SMC1A: variants seen among roughly 807,000 people sequenced by gnomAD.
SMC1A encodes structural maintenance of chromosomes 1A.
In SMC1A, 4 loss-of-function variants were observed where a neutral mutation model predicts 94.5. That is an observed-to-expected ratio of 0.04 (90% CI 0.02 to 0.10). SMC1A has a LOEUF of 0.10. SMC1A is among the 10% of genes least tolerant of loss of function. The pLI, the probability that SMC1A is intolerant of heterozygous loss-of-function variation, is 1.00. For synonymous variants in SMC1A, 345 were observed against 347.7 expected, an observed-to-expected ratio of 0.99 and a Z score of 0.09; for missense variants, 304 against 989.0, an observed-to-expected ratio of 0.31 and a Z score of 9.29.
At chrX:53,403,276 C>A (rs903417257) in intron 15 of SMC1A, among the ~76,000 whole-genome samples, 1 of 108,137 alleles carries the variant, frequency 9.2e-6, no homozygotes, top group Non-Finnish European at 1.9e-5. Context: ...TATCATTATA[C>A]CATTTTGCAG....
rs782123095 is a variant in SMC1A, at chrX:53,405,380, C to T, written c.1923G>A (p.Leu641=). 11 of 1,209,995 alleles carry T rather than the reference C, an allele frequency of 9.1e-6. No individual in the cohort carries two copies. The East Asian group carries it at 3.3e-4, about 36-fold the overall frequency. ...CTGACTTCTGGAATAGGGTTCCATC[C>T]AGTGCCACTGTCTACACACAGCAGG... ...GGHQRHKTVA[L]DGTLFQKSGV... The change falls in exon 12 of 25, where the codon CTG becomes CTA. Residue 641 remains leucine (L), a synonymous_variant. Transcript: ENST00000322213.
intron 1 of SMC1A, among the ~76,000 whole-genome samples, chrX:53,420,134 C>T (rs1014737919): frequency 9.8e-5 from 11 of 112,370 alleles, no homozygotes; most frequent in Non-Finnish European, 1.7e-4. Flanking sequence ...CTGAGAACCA[C>T]GGACAAGTTA....
intron 16 of SMC1A, among the ~76,000 whole-genome samples, chrX:53,398,479 T>A (rs1436271221): frequency 1.8e-5 from 2 of 111,696 alleles, no homozygotes; most frequent in African/African-American, 3.3e-5. Flanking sequence ...AGTCACACTG[T>A]GAAGTGACTA....
intron 15 of SMC1A, among the ~76,000 whole-genome samples, chrX:53,402,258 AAAGACTG>A (rs1488492946): frequency 2.7e-5 from 3 of 110,960 alleles, no homozygotes; most frequent in Non-Finnish European, 5.7e-5. Flanking sequence ...CTCCTTCAGC[AAAGACTG>A]TGTTGTGTTC....
chrX:53,408,849 A>T (rs1028590154), intron 9 of SMC1A, among the ~76,000 whole-genome samples: 4 of 108,973 alleles, frequency 3.7e-5, no homozygotes, highest in South Asian at 3.9e-4. Context: ...ATAAAAAAAA[A>T]AAAAAAAAAA....
At chrX:53,418,258 C>T (rs1008909911) in intron 1 of SMC1A, among the ~76,000 whole-genome samples, 3 of 112,403 alleles carry the variant, frequency 2.7e-5, no homozygotes, top group Non-Finnish European at 5.6e-5. Context: ...CCTCAGTCTC[C>T]TGAATAGCTG....
intron 5 of SMC1A, 82 bp from the exon 6 acceptor site, chrX:53,412,335 T>A: frequency 1.0e-6 from 1 of 978,699 alleles, no homozygotes. Context: ...AAGGAGAGCT[T>A]GAGCCCCTGA....
intron 9 of SMC1A, 38 bp downstream of exon 9, chrX:53,409,024 G>A (rs782724620): frequency 6.0e-6 from 7 of 1,157,121 alleles, no homozygotes; most frequent in Non-Finnish European, 8.2e-6. Context: ...GACAGTGAGT[G>A]TAAGTGCTCA....
chrX:53,388,705 A>T (rs1556886735), intron 19 of SMC1A, among the ~76,000 whole-genome samples: 1 of 109,961 alleles, frequency 9.1e-6, no homozygotes, highest in African/African-American at 3.3e-5. Context: ...GCTACTAGAA[A>T]ATCGAAAATT....
In SMC1A at chrX:53,414,735, C is replaced by G. The variant is rs1425277890; in HGVS notation, c.411+23G>C. Reference sequence around the variant, plus strand: ...CATGGTCTGGCAAAAACCAGATAGCCAATAACTGTTAAAAACGCCCACCTG... The same window carrying G: ...CATGGTCTGGCAAAAACCAGATAGCGAATAACTGTTAAAAACGCCCACCTG... On this transcript the variant is annotated intron_variant, in intron 3 of 24. Coordinates refer to ENST00000322213, the MANE Select transcript of SMC1A (RefSeq NM_006306.4). 7 of 1,042,224 alleles carry G rather than the reference C, an allele frequency of 6.7e-6. No homozygotes were observed. The East Asian group carries it at 1.8e-4, about 27-fold the overall frequency. The allele number at this position is 1,042,224 out of a possible 1,213,427, so 85.9% of individuals were successfully genotyped here. A position where few individuals can be genotyped will look rare whatever the true frequency, so the allele number is the denominator to read the frequency against.
chrX:53,414,786 A>G lies in SMC1A; in HGVS notation c.383T>C (p.Ile128Thr), dbSNP rs781895092. The G allele has an allele frequency of 2.5e-6, 3 of 1,205,561 alleles. No individual in the cohort carries two copies. Among genetic ancestry groups the G allele is most frequent in the Non-Finnish European group, 3.4e-6 (3 of 889,683 alleles). ...SEELEKLGIL[I>T]KARNFLVFQG... ...GAAAACGAGGAAGTTACGAGCTTTG[A>G]TGAGAATGCCCAACTTCTCTAATTC... The change falls in exon 3 of 25, where the codon ATC (isoleucine) becomes ACC (threonine). Residue 128 changes from isoleucine to threonine, a missense_variant. Ile to Thr is a moderately conservative substitution (Grantham distance 89, BLOSUM62 -1). Around this residue, in one of 11 missense-constraint regions of SMC1A, gnomAD observed 120 missense variants for 314.9 expected, o/e 0.38. Coordinates refer to ENST00000322213, the MANE Select transcript of SMC1A (RefSeq NM_006306.4).
chrX:53,385,564 C>T (rs1329327832), intron 19 of SMC1A, among the ~76,000 whole-genome samples: 1 of 110,112 alleles, frequency 9.1e-6, no homozygotes, highest in African/African-American at 3.3e-5. Context: ...TGTGAGCCAC[C>T]GCGCCCGGCC....
intron 1 of SMC1A, among the ~76,000 whole-genome samples, chrX:53,417,823 G>C (rs1254278196): frequency 1.8e-5 from 2 of 111,961 alleles, no homozygotes; most frequent in Admixed American, 9.5e-5. Flanking sequence ...ATGTAATTGA[G>C]TCTGTAATTT....
chrX:53,400,006 AC>A (rs1319702839), intron 15 of SMC1A, among the ~76,000 whole-genome samples: 2 of 111,069 alleles, frequency 1.8e-5, no homozygotes, highest in Non-Finnish European at 3.8e-5. Context: ...AACAATGAAG[AC>A]CCCAGCGCCC....
intron 9 of SMC1A, among the ~76,000 whole-genome samples, chrX:53,408,067 G>A (rs2075697654): frequency 8.9e-6 from 1 of 111,978 alleles, no homozygotes. Context: ...GGTGACTCAC[G>A]CCTGTAACCC....
intron 24 of SMC1A, 136 bp downstream of exon 24, chrX:53,380,484 A>C: frequency 2.0e-6 from 1 of 511,675 alleles, no homozygotes; most frequent in South Asian, 2.7e-5. Context: ...GCAGGGCTCC[A>C]ACAAGCCCAA....
At chrX:53,399,494 T>C (rs940055149) in intron 16 of SMC1A, 95 bp downstream of exon 16, 2 of 878,164 alleles carry the variant, frequency 2.3e-6, no homozygotes, top group African/African-American at 2.0e-5. Flanking sequence ...AGATGAGAAA[T>C]TTCTAAGTTG....
At chrX:53,393,343 C>T (rs1373753515) in intron 19 of SMC1A, among the ~76,000 whole-genome samples, 6 of 109,998 alleles carry the variant, frequency 5.5e-5, no homozygotes, top group African/African-American at 1.7e-4. Flanking sequence ...AAAATAAAAA[C>T]GAAGAAGAAA....
chrX:53,397,391 G>A (rs190351757), intron 16 of SMC1A, among the ~76,000 whole-genome samples: 16 of 111,498 alleles, frequency 1.4e-4, no homozygotes, highest in African/African-American at 5.2e-4. Flanking sequence ...GACCAGCCTG[G>A]ACAATAAGGC....
Sources: gnomAD v4.1 joint callset for allele counts (sites outside exome capture counted in the v4.1 genomes callset) on GRCh38, gnomAD v4.1.1 for gene constraint, gnomAD v4.1.1 regional missense constraint, MANE v1.5 for transcripts, NCBI Gene and HGNC (gene_info 2026-07-23, HGNC 2026-07-21) for gene names.